PLK4: variants seen among roughly 807,000 people sequenced by gnomAD.
The protein encoded by PLK4 is polo like kinase 4.
Under a neutral mutation model 103.0 loss-of-function variants are expected in PLK4, and 51 were observed. The observed-to-expected ratio is 0.50, with a 90% CI of 0.40 to 0.63. The LOEUF is 0.63. Among genes scored for constraint, PLK4 ranks in the 20% least tolerant of loss-of-function variants. The probability of loss-of-function intolerance (pLI) is 0.00; values close to 1 mark genes in which losing one functional copy is unlikely to be tolerated. For missense variants in PLK4, 1,054 were observed against 1,151.0 expected, an observed-to-expected ratio of 0.92 and a Z score of 1.22; for synonymous variants, 389 against 376.8, an observed-to-expected ratio of 1.03 and a Z score of -0.38.
Position 127,886,575 on chromosome 4 carries a change from C to T in PLK4, c.1205C>T (p.Ala402Val), listed in dbSNP as rs200457549. 7.4e-6 allele frequency: 12 copies of T among 1,614,126 alleles called. No homozygotes were observed. The East Asian group carries it at 2.7e-4, about 36-fold the overall frequency. Reference sequence around the variant, plus strand: ...TATACAATGGAACGATGTCACTCAGCAGAAATGCTTTCAGTGTCCAAAAGA... The same window carrying T: ...TATACAATGGAACGATGTCACTCAGTAGAAATGCTTTCAGTGTCCAAAAGA... ...KTYTMERCHS[A>V]EMLSVSKRSG... The change falls in exon 5 of 16, where the codon GCA becomes GTA. Residue 402 changes from alanine (A) to valine (V), a missense_variant. Transcript: ENST00000270861.
At position 127,893,358 on chromosome 4, in the gene PLK4, T is replaced by C; in HGVS notation, c.2262T>C (p.Ser754=). 1 of 1,606,982 alleles carries C rather than the reference T, an allele frequency of 6.2e-7. No homozygotes were observed. The highest frequency in any genetic ancestry group is 8.5e-7 in the Non-Finnish European group (1 of 1,174,554). ...CAGGGAAGTCTTACACTTTAAAAAGTGAAAGTGAAGTTAATAGCTTGAAAG... is the reference window on the plus strand; with the variant it reads ...CAGGGAAGTCTTACACTTTAAAAAGCGAAAGTGAAGTTAATAGCTTGAAAG... The part of the protein sequence containing the change: ...EKTGKSYTLK[S]ESEVNSLKEE... The change falls in exon 11 of 16, where the codon AGT becomes AGC. Residue 754 remains serine, a synonymous_variant. Transcript: ENST00000270861.
chr4:127,896,651 G>GTT, intron 14 of PLK4, 150 bp from the exon 15 acceptor site: 11 of 423,670 alleles, frequency 2.6e-5, no homozygotes, highest in South Asian at 4.9e-5. Flanking sequence ...CACTTAGAGA[G>GTT]TTTTTTTTTT....
intron 4 of PLK4, among the ~76,000 whole-genome samples, chr4:127,884,257 T>C (rs1468572074): frequency 6.6e-6 from 1 of 152,234 alleles, no homozygotes; most frequent in East Asian, 1.9e-4. Context: ...TTTCAAGTTA[T>C]CTTGCTCTGC....
chr4:127,883,518 T>C lies in PLK4; in HGVS notation c.302T>C (p.Leu101Pro). 1 of 1,541,868 alleles carries C rather than the reference T, an allele frequency of 6.5e-7. No homozygotes were observed. The highest frequency in any genetic ancestry group is 9.0e-7 in the Non-Finnish European group (1 of 1,115,442). ...MCHNGEMNRY[L>P]KNRVKPFSEN... ...CATAATGGAGAAATGAACAGGTATCTAAAGAATAGAGTGAAACCCTTCTCA... is the reference window on the plus strand; with the variant it reads ...CATAATGGAGAAATGAACAGGTATCCAAAGAATAGAGTGAAACCCTTCTCA... Residue 101 changes from leucine (L) to proline (P), a missense_variant, in exon 4 of 16, where the codon CTA becomes CCA. Transcript: ENST00000270861.
Position 127,886,320 on chromosome 4 carries a change from C to A in PLK4, c.950C>A (p.Pro317Gln). The change falls in exon 5 of 16, where the codon CCA becomes CAA. Residue 317 changes from proline (P) to glutamine (Q), a missense_variant. Around this residue, in one of 4 missense-constraint regions of PLK4, gnomAD observed 680 missense variants for 660.3 expected, o/e 1.03. Coordinates refer to ENST00000270861, the MANE Select transcript of PLK4 (RefSeq NM_014264.5). ...FDKRRLLIGQ[P>Q]LPNKMTVFPK... is the part of the protein sequence containing the mutation. ...AAAAGAAGACTTTTGATTGGTCAGC[C>A]ACTCCCAAATAAAATGACTGTATTT... The A allele has an allele frequency of 1.2e-6, 2 of 1,613,822 alleles. No individual in the cohort carries two copies. The highest frequency in any genetic ancestry group is 1.7e-6 in the Non-Finnish European group (2 of 1,179,930).
rs1735135614 is a variant in PLK4 at position 127,886,480 on chromosome 4, T to C, written c.1110T>C (p.Ser370=). 1 of 1,614,082 alleles carries C rather than the reference T, an allele frequency of 6.2e-7. No individual in the cohort carries two copies. Among genetic ancestry groups the C allele is most frequent in the East Asian group, 2.2e-5 (1 of 44,878 alleles). Residue 370 remains serine (S), a synonymous_variant, in exon 5 of 16, where the codon TCT becomes TCC. Transcript: ENST00000270861. The part of the protein sequence containing the change: ...VIQDAEERPH[S]RYLRRAYSSD... ...AAGATGCAGAAGAAAGGCCACATTC[T>C]CGATACCTTCGTAGAGCTTATTCCT...
At position 127,887,399 on chromosome 4, in the gene PLK4, C is replaced by T. The variant is rs2148818819; in HGVS notation, c.1362C>T (p.Ser454=). Residue 454 remains serine (S), a synonymous_variant, in exon 6 of 16, where the codon TCC becomes TCT. Transcript: ENST00000270861. Reference sequence around the variant, plus strand: ...ATTTTTTTGTTTGTTTGTTTAGCTCCAATCATCTTTGTCCAGGAAAAACTC... The same window carrying T: ...ATTTTTTTGTTTGTTTGTTTAGCTCTAATCATCTTTGTCCAGGAAAAACTC... ...FERPDNNQAL[S]NHLCPGKTPF... The T allele has an allele frequency of 6.3e-7, 1 of 1,594,168 alleles. No individual in the cohort carries two copies.
Position 127,887,495 on chromosome 4 carries a change from T to C in PLK4, c.1458T>C (p.Asn486=). The change falls in exon 6 of 16, where the codon AAT becomes AAC. Residue 486 remains asparagine (N), a splice_region_variant and synonymous_variant. Coordinates refer to ENST00000270861, the MANE Select transcript of PLK4 (RefSeq NM_014264.5). ...VQQWFGNLQI[N]AHLRKTTEYD... is the part of the protein sequence containing the mutation. ...AGTGGTTTGGGAATCTGCAAATAAA[T>C]GGTGAGTTTTTAATGGAGTATTTAA... The C allele has an allele frequency of 6.4e-7, 1 of 1,556,064 alleles. No individual in the cohort carries two copies. Among genetic ancestry groups the C allele is most frequent in the Non-Finnish European group, 8.8e-7 (1 of 1,130,568 alleles).
rs57995643 is a variant in PLK4 at position 127,893,270 on chromosome 4, AT to A, written c.2189-3del. ...AAAAGGATAAGAGAACAGTTTTCTG[AT>A]TTTTTTTTTTTAGGGGTAAAAATAC... On this transcript the variant is annotated splice_polypyrimidine_tract_variant and intron_variant, in intron 10 of 15. Transcript: ENST00000270861. 103,932 of 996,548 alleles carry A rather than the reference AT, an allele frequency of 0.1. 1 individual carries two copies. The highest frequency in any genetic ancestry group is 0.14 in the South Asian group (7,665 of 53,054). 61.7% of individuals were successfully genotyped at this position (996,548 alleles called of 1,614,324 possible).
chr4:127,886,805 G>A (rs530079860), intron 5 of PLK4, 77 bp downstream of exon 5: 21 of 826,056 alleles, frequency 2.5e-5, no homozygotes, highest in African/African-American at 1.2e-4. Flanking sequence ...GCATGTAAGC[G>A]GGGGGATACC....
intron 14 of PLK4, among the ~76,000 whole-genome samples, chr4:127,895,403 G>A (rs1043614652): frequency 3.0e-5 from 4 of 133,582 alleles, no homozygotes; most frequent in Non-Finnish European, 6.3e-5. Context: ...TATCTGGGAC[G>A]TTTTAAATTT....
At chr4:127,889,469 A>C (rs1735267573) in intron 6 of PLK4, among the ~76,000 whole-genome samples, 1 of 152,170 alleles carries the variant, frequency 6.6e-6, no homozygotes, top group Non-Finnish European at 1.5e-5. Context: ...TAGCTTAAAG[A>C]GAGTAAGTTT....
At chr4:127,896,948 A>C in intron 15 of PLK4, 41 bp downstream of exon 15, 1 of 1,022,424 alleles carries the variant, frequency 9.8e-7, no homozygotes, top group Non-Finnish European at 1.5e-6. Flanking sequence ...GCCCTTTGCT[A>C]TAATTTCTCT....
intron 14 of PLK4, among the ~76,000 whole-genome samples, chr4:127,895,445 T>C (rs1461936589): frequency 1.4e-5 from 2 of 141,906 alleles, no homozygotes; most frequent in African/African-American, 2.6e-5. Flanking sequence ...ATTAGTAGAG[T>C]AACTTTCTTT....
At chr4:127,889,102 A>C (rs894482019) in intron 6 of PLK4, among the ~76,000 whole-genome samples, 2 of 152,176 alleles carry the variant, frequency 1.3e-5, no homozygotes, top group Non-Finnish European at 2.9e-5. Context: ...ATTTTTCAGT[A>C]TATTATTTGA....
intron 2 of PLK4, among the ~76,000 whole-genome samples, chr4:127,882,405 A>G (rs1268974934): frequency 6.6e-6 from 1 of 152,172 alleles, no homozygotes; most frequent in Non-Finnish European, 1.5e-5. Context: ...GGATCACCTG[A>G]GCTCAGGAGT....
rs146283398 is a variant in PLK4, at chr4:127,898,778, G to C, written c.*237G>C. The stretch of plus-strand genomic sequence containing the variant: ...ACTTTGCTCTTAGACCATAACCCCC[G>C]AACTTACTATGTTCATATATTTGTA... On this transcript the variant is annotated 3_prime_UTR_variant, in exon 16 of 16. Coordinates refer to ENST00000270861, the MANE Select transcript of PLK4 (RefSeq NM_014264.5). 43 of 348,498 alleles carry C rather than the reference G, an allele frequency of 1.2e-4. No individual in the cohort carries two copies. The Admixed American group carries it at 1.8e-3, about 15-fold the overall frequency. 21.6% of individuals were successfully genotyped at this position (348,498 alleles called of 1,614,324 possible).
intron 8 of PLK4, among the ~76,000 whole-genome samples, 154 bp from the exon 9 acceptor site, chr4:127,891,425 T>G (rs1735354356): frequency 6.6e-6 from 1 of 151,904 alleles, no homozygotes; most frequent in African/African-American, 2.4e-5. Flanking sequence ...TGGTTTAAGT[T>G]AAAAAGCAAA....
At chr4:127,892,623 A>G in intron 10 of PLK4, 109 bp downstream of exon 10, 1 of 773,572 alleles carries the variant, frequency 1.3e-6, no homozygotes, top group Non-Finnish European at 2.1e-6. Context: ...ATGTGTATGT[A>G]TATAACTATA....
Sources: gnomAD v4.1 joint callset for allele counts (sites outside exome capture counted in the v4.1 genomes callset) on GRCh38, gnomAD v4.1.1 for gene constraint, gnomAD v4.1.1 regional missense constraint, MANE v1.5 for transcripts, NCBI Gene and HGNC (gene_info 2026-07-23, HGNC 2026-07-21) for gene names.